Variants in ENTREP2 observed in about 807,000 individuals in gnomAD.
ENTREP2 encodes protein ENTREP2.
chr15:29,302,960 G>C, the ENTREP2 span, among the ~76,000 whole-genome samples: 4 of 152,160 alleles, frequency 2.6e-5, 1 homozygote, highest in Non-Finnish European at 5.9e-5. Context: ...TTCATGAGCT[G>C]AGGCTGATCC....
the ENTREP2 span, among the ~76,000 whole-genome samples, chr15:29,670,521 GGTT>G: frequency 3.3e-4 from 50 of 152,336 alleles, no homozygotes; most frequent in Middle Eastern, 3.4e-3. Flanking sequence ...CCACTTAAGA[GGTT>G]GTTGGGCTGG....
the ENTREP2 span, among the ~76,000 whole-genome samples, chr15:29,492,113 A>G: frequency 6.6e-6 from 1 of 151,982 alleles, no homozygotes. Flanking sequence ...AAAGGCAGCT[A>G]AAAGTCTCAG....
the ENTREP2 span, among the ~76,000 whole-genome samples, chr15:29,199,260 G>C: frequency 6.6e-6 from 1 of 152,156 alleles, no homozygotes; most frequent in Non-Finnish European, 1.5e-5. Flanking sequence ...GCTTGTTTTA[G>C]TCTTTTTAAT....
chr15:29,123,318 A>G, the ENTREP2 span: 1 of 1,489,686 alleles, frequency 6.7e-7, no homozygotes, highest in Non-Finnish European at 9.0e-7. Context: ...GTTGGTGTCC[A>G]CGGTCAGAAA....
At chr15:29,326,362 G>A in the ENTREP2 span, among the ~76,000 whole-genome samples, 1 of 152,054 alleles carries the variant, frequency 6.6e-6, no homozygotes, top group African/African-American at 2.4e-5. Flanking sequence ...AAACTAATAA[G>A]CTAGCATAGG....
At chr15:29,285,959 C>G in the ENTREP2 span, among the ~76,000 whole-genome samples, 2 of 151,976 alleles carry the variant, frequency 1.3e-5, no homozygotes, top group Non-Finnish European at 2.9e-5. Flanking sequence ...GGTCTTCCCC[C>G]AAAAAAGAAA....
the ENTREP2 span, among the ~76,000 whole-genome samples, chr15:29,305,661 A>G: frequency 2.0e-5 from 3 of 152,220 alleles, no homozygotes; most frequent in Non-Finnish European, 4.4e-5. Flanking sequence ...AGTATCCATT[A>G]CTGGGACAGA....
the ENTREP2 span, among the ~76,000 whole-genome samples, chr15:29,495,677 A>G: frequency 1.3e-5 from 2 of 151,954 alleles, no homozygotes; most frequent in Non-Finnish European, 2.9e-5. Flanking sequence ...TCCTTTTCCC[A>G]TTGTGTATTC....
chr15:29,661,899 C>T, the ENTREP2 span, among the ~76,000 whole-genome samples: 134 of 152,226 alleles, frequency 8.8e-4, no homozygotes, highest in African/African-American at 2.6e-3. Flanking sequence ...CTACCTAAGA[C>T]ATCAGAAAAC....
the ENTREP2 span, among the ~76,000 whole-genome samples, chr15:29,475,232 T>C: frequency 6.6e-6 from 1 of 152,088 alleles, no homozygotes; most frequent in Non-Finnish European, 1.5e-5. Context: ...AGGGGTGAGC[T>C]GGAGACAGAA....
At chr15:29,217,233 A>C in the ENTREP2 span, among the ~76,000 whole-genome samples, 2 of 152,138 alleles carry the variant, frequency 1.3e-5, no homozygotes, top group Non-Finnish European at 2.9e-5. Context: ...ATGTGCTGGG[A>C]GTCAGCTTGC....
the ENTREP2 span, among the ~76,000 whole-genome samples, chr15:29,157,794 A>AT: frequency 6.7e-6 from 1 of 148,778 alleles, no homozygotes; most frequent in African/African-American, 2.5e-5. Context: ...CAGTGGCGCG[A>AT]TATCGGCTCA....
the ENTREP2 span, among the ~76,000 whole-genome samples, chr15:29,127,059 G>C: frequency 6.6e-6 from 1 of 152,202 alleles, no homozygotes; most frequent in African/African-American, 2.4e-5. Context: ...CAGACCCATG[G>C]AAGCAGAGAC....
At chr15:29,337,251 C>T in the ENTREP2 span, among the ~76,000 whole-genome samples, 5 of 152,200 alleles carry the variant, frequency 3.3e-5, no homozygotes, top group South Asian at 2.1e-4. Flanking sequence ...GAGTGCTGTG[C>T]GGACTGTCAA....
At chr15:29,541,885 C>T in the ENTREP2 span, among the ~76,000 whole-genome samples, 6 of 152,308 alleles carry the variant, frequency 3.9e-5, no homozygotes, top group East Asian at 7.7e-4. Context: ...CACAGAAAAG[C>T]GTAACAGGTC....
chr15:29,449,477 C>T, the ENTREP2 span, among the ~76,000 whole-genome samples: 1 of 152,194 alleles, frequency 6.6e-6, no homozygotes, highest in Non-Finnish European at 1.5e-5. Flanking sequence ...CAAATACCTA[C>T]CCTTCTCTGC....
the ENTREP2 span, chr15:29,136,222 G>T: frequency 4.9e-6 from 4 of 808,310 alleles, no homozygotes; most frequent in African/African-American, 1.8e-5. Flanking sequence ...TGCATCCGGG[G>T]GCCTCGGCAC....
the ENTREP2 span, among the ~76,000 whole-genome samples, chr15:29,224,328 G>A: frequency 2.3e-3 from 356 of 152,258 alleles, 1 homozygote; most frequent in African/African-American, 8.2e-3. Flanking sequence ...CCCAAAGAGT[G>A]AGCAGCAGCA....
chr15:29,319,595 C>T, the ENTREP2 span, among the ~76,000 whole-genome samples: 1 of 152,306 alleles, frequency 6.6e-6, no homozygotes, highest in South Asian at 2.1e-4. Flanking sequence ...TCAGTTCCAA[C>T]ACGTAAAAAG....
Sources: allele counts gnomAD v4.1 joint callset (sites outside exome capture counted in the v4.1 genomes callset), GRCh38; gene constraint gnomAD v4.1.1; transcripts MANE v1.5; gene names NCBI Gene and HGNC (gene_info 2026-07-23, HGNC 2026-07-21).